Variants in PLEKHH2 observed in about 807,000 individuals in gnomAD.
The protein encoded by PLEKHH2 is pleckstrin homology, MyTH4 and FERM domain containing H2.
A neutral mutation model predicts 187.9 loss-of-function variants in PLEKHH2; 129 were observed. The observed-to-expected ratio is 0.69, with a 90% CI of 0.59 to 0.79. The LOEUF (loss-of-function observed/expected upper bound fraction) is 0.79. Among genes scored for constraint, PLEKHH2 ranks in the 30% least tolerant of loss-of-function variants. PLEKHH2 has a pLI of 0.00. For missense variants in PLEKHH2, 2,076 were observed against 1,751.2 expected (o/e 1.19, Z -3.31); for synonymous variants, 686 against 605.6 (o/e 1.13, Z -1.95).
At chr2:43,693,731 A>AAAAAAAAAAAG in intron 4 of PLEKHH2, among the ~76,000 whole-genome samples, 1 of 151,150 alleles carries the variant, frequency 6.6e-6, no homozygotes, top group Admixed American at 6.6e-5. Context: ...CTCAAAAAAA[A>AAAAAAAAAAAG]AAAAAAAAAG....
intron 3 of PLEKHH2, chr2:43,679,466 A>G (rs932150033): frequency 7.5e-5 from 26 of 345,708 alleles, no homozygotes; most frequent in Non-Finnish European, 1.5e-4. Context: ...CAATTGTTTG[A>G]ATTACGGAAT....
At position 43,726,141 on chromosome 2, in the gene PLEKHH2, G is replaced by C. The variant is rs1572625807; in HGVS notation, c.2542-131G>C. Reference sequence around the variant, plus strand: ...CCCTGTCTCAAAAAAAAAAAAAAAAGGAAAATAAAAAATAAAGTAAAATTT... The same window carrying C: ...CCCTGTCTCAAAAAAAAAAAAAAAACGAAAATAAAAAATAAAGTAAAATTT... On this transcript the variant is annotated intron_variant, in intron 16 of 29. Coordinates refer to ENST00000282406, the MANE Select transcript of PLEKHH2 (RefSeq NM_172069.4). 9.4e-5 allele frequency: 58 copies of C among 615,016 alleles called. 2 individuals are homozygous for C. The South Asian group carries it at 1.6e-3, about 17-fold the overall frequency. 38.1% of individuals were successfully genotyped at this position (615,016 alleles called of 1,614,324 possible).
intron 21 of PLEKHH2, among the ~76,000 whole-genome samples, chr2:43,741,759 C>G (rs1203875440): frequency 2.6e-5 from 4 of 152,186 alleles, no homozygotes; most frequent in Non-Finnish European, 5.9e-5. Flanking sequence ...CAGTTGCAGT[C>G]ACTGAGGAGC....
chr2:43,674,216 A>G lies in PLEKHH2; in HGVS notation c.124-4647A>G, dbSNP rs543819027. ...AGGAGAAATCAGACAAGATATTTGC[A>G]TAGTTCTCTTAAGAGAACTATTTTT... On this transcript the variant is annotated intron_variant, in intron 2 of 29. Coordinates refer to ENST00000282406, the MANE Select transcript of PLEKHH2 (RefSeq NM_172069.4). 8.7e-4 allele frequency among the ~76,000 whole-genome samples: 133 copies of G among 152,326 alleles called. 1 individual carries two copies. The highest frequency in any genetic ancestry group is 3.1e-3 in the African/African-American group (130 of 41,580).
chr2:43,678,773 G>A, intron 2 of PLEKHH2, 90 bp from the exon 3 acceptor site: 1 of 977,610 alleles, frequency 1.0e-6, no homozygotes, highest in Non-Finnish European at 1.6e-6. Context: ...TGGAGGTGGA[G>A]GTAGAATTAT....
At chr2:43,730,601 G>A (rs1177928543) in intron 18 of PLEKHH2, among the ~76,000 whole-genome samples, 1 of 152,100 alleles carries the variant, frequency 6.6e-6, no homozygotes, top group Admixed American at 6.5e-5. Flanking sequence ...GTTTCTTCAT[G>A]TTGCACAGGT....
At chr2:43,677,388 G>A (rs1356741094) in intron 2 of PLEKHH2, among the ~76,000 whole-genome samples, 2 of 152,150 alleles carry the variant, frequency 1.3e-5, no homozygotes, top group Non-Finnish European at 2.9e-5. Flanking sequence ...AGATTACGGA[G>A]TGGTGATGAC....
At chr2:43,675,707 C>A (rs1445759263) in intron 2 of PLEKHH2, 1 of 1,613,988 alleles carries the variant, frequency 6.2e-7, no homozygotes, top group East Asian at 2.2e-5. Context: ...CTTTGATCTG[C>A]ACAGGTCTCA....
chr2:43,669,010 G>T (rs116460796), intron 2 of PLEKHH2, among the ~76,000 whole-genome samples: 1 of 152,142 alleles, frequency 6.6e-6, no homozygotes, highest in Non-Finnish European at 1.5e-5. Context: ...TGGTCAGCTG[G>T]TTGAGCTAAG....
chr2:43,690,393 G>A (rs1668735965), intron 3 of PLEKHH2, among the ~76,000 whole-genome samples: 1 of 150,938 alleles, frequency 6.6e-6, no homozygotes, highest in Non-Finnish European at 1.5e-5. Flanking sequence ...CCATGTGGTT[G>A]GTATTTAAAT....
intron 3 of PLEKHH2, among the ~76,000 whole-genome samples, chr2:43,689,060 T>C (rs976051177): frequency 6.6e-6 from 1 of 152,180 alleles, no homozygotes; most frequent in Non-Finnish European, 1.5e-5. Flanking sequence ...CTATGTGGTG[T>C]GGCCCAAGAT....
intron 2 of PLEKHH2, among the ~76,000 whole-genome samples, chr2:43,656,310 T>C (rs1666756603): frequency 6.6e-6 from 1 of 152,222 alleles, no homozygotes; most frequent in African/African-American, 2.4e-5. Flanking sequence ...AGCAAATCTG[T>C]GTAATACATT....
intron 23 of PLEKHH2, among the ~76,000 whole-genome samples, chr2:43,745,248 G>C (rs1021390529): frequency 6.6e-6 from 1 of 152,064 alleles, no homozygotes; most frequent in Admixed American, 6.6e-5. Context: ...CCCAGGAGGC[G>C]GAGGTTGTAG....
chr2:43,750,655 CTAT>C (rs1318265764), intron 24 of PLEKHH2, among the ~76,000 whole-genome samples: 2 of 152,126 alleles, frequency 1.3e-5, no homozygotes, highest in African/African-American at 2.4e-5. Flanking sequence ...CTTTGAGGTA[CTAT>C]TATTATTTCC....
intron 2 of PLEKHH2, among the ~76,000 whole-genome samples, chr2:43,647,324 A>C (rs1227916095): frequency 6.6e-6 from 1 of 152,262 alleles, no homozygotes; most frequent in Non-Finnish European, 1.5e-5. Context: ...AAACTTAGGC[A>C]TAGAAAAGTT....
chr2:43,692,405 T>C, intron 3 of PLEKHH2, 109 bp from the exon 4 acceptor site: 1 of 872,768 alleles, frequency 1.1e-6, no homozygotes, highest in East Asian at 2.6e-5. Flanking sequence ...AATATTTTCC[T>C]TTTTGAAGTC....
chr2:43,684,427 C>A (rs537146143), intron 3 of PLEKHH2, among the ~76,000 whole-genome samples: 8 of 152,132 alleles, frequency 5.3e-5, no homozygotes, highest in Non-Finnish European at 7.4e-5. Flanking sequence ...TTTTGTTTTG[C>A]CTTAATTTAA....
chr2:43,678,756 G>T, intron 2 of PLEKHH2, 107 bp from the exon 3 acceptor site: 1 of 733,994 alleles, frequency 1.4e-6, no homozygotes, highest in East Asian at 2.6e-5. Flanking sequence ...GGAGGTGGAG[G>T]TGGAGGTGGA....
Position 43,676,381 on chromosome 2 carries a change from G to A in PLEKHH2, c.124-2482G>A, listed in dbSNP as rs191807355. 9.5e-4 allele frequency: 1,330 copies of A among 1,403,032 alleles called. 5 individuals are homozygous for A. In the African/African-American group the frequency reaches 0.017, roughly 18 times the overall value. The allele number at this position is 1,403,032 out of a possible 1,614,324, so 86.9% of individuals were successfully genotyped here. A position where few individuals can be genotyped will look rare whatever the true frequency, so the allele number is the denominator to read the frequency against. On this transcript the variant is annotated intron_variant, in intron 2 of 29. Coordinates refer to ENST00000282406, the MANE Select transcript of PLEKHH2 (RefSeq NM_172069.4). ...AGGCAGCCTGGGACCGGGTCCTGGG[G>A]TCCCGCGCCTTCCGGAGCTGGCGGC... is the stretch of plus-strand genomic sequence containing the variant.
Sources: gnomAD v4.1 joint callset for allele counts (sites outside exome capture counted in the v4.1 genomes callset) on GRCh38, gnomAD v4.1.1 for gene constraint, MANE v1.5 for transcripts, NCBI Gene and HGNC (gene_info 2026-07-23, HGNC 2026-07-21) for gene names.